Variants in PCDH9 observed in about 807,000 individuals in gnomAD.
PCDH9 encodes the protein protocadherin 9.
In PCDH9, 24 loss-of-function variants were observed where a neutral mutation model predicts 70.6. That is an observed-to-expected ratio of 0.34 (90% confidence interval 0.25 to 0.48). The LOEUF (loss-of-function observed/expected upper bound fraction) is 0.48. Among genes scored for constraint, PCDH9 ranks in the 20% least tolerant of loss-of-function variants. The pLI is 0.99. For missense variants in PCDH9, 1,281 were observed against 1,503.6 expected (o/e 0.85, Z 2.45); for synonymous variants, 562 against 558.5 (o/e 1.01, Z -0.09).
chr13:66,842,213 A>G (rs1043324574), intron 3 of PCDH9, among the ~76,000 whole-genome samples: 5 of 152,194 alleles, frequency 3.3e-5, no homozygotes, highest in Admixed American at 3.3e-4. Flanking sequence ...TTGAAATCCA[A>G]TAAATCCTCA....
intron 3 of PCDH9, among the ~76,000 whole-genome samples, chr13:66,898,772 A>C (rs187796341): frequency 2.6e-5 from 4 of 152,210 alleles, no homozygotes; most frequent in Admixed American, 1.3e-4. Flanking sequence ...TTATTATTTA[A>C]AAGTAGCAGA....
intron 4 of PCDH9, among the ~76,000 whole-genome samples, chr13:66,367,451 T>C (rs1017008912): frequency 6.6e-6 from 1 of 152,180 alleles, no homozygotes; most frequent in Non-Finnish European, 1.5e-5. Context: ...CTAACTATTG[T>C]GCTGAAATTG....
intron 4 of PCDH9, among the ~76,000 whole-genome samples, chr13:66,625,793 TG>T (rs1345250096): frequency 6.6e-6 from 1 of 151,960 alleles, no homozygotes; most frequent in Non-Finnish European, 1.5e-5. Context: ...CCTGAGTAGC[TG>T]GGATTACAGG....
intron 4 of PCDH9, among the ~76,000 whole-genome samples, chr13:66,504,113 T>C (rs1464929816): frequency 1.3e-5 from 2 of 152,224 alleles, no homozygotes; most frequent in African/African-American, 2.4e-5. Flanking sequence ...TGAGTCATTG[T>C]ACTCACTGGC....
rs143009802 is a variant in PCDH9, at chr13:67,227,571, A to T, written c.870T>A (p.Ile290=). The T allele has an allele frequency of 9.3e-6, 15 of 1,614,006 alleles. No homozygotes were observed. The highest frequency in any genetic ancestry group is 1.6e-4 in the Middle Eastern group (1 of 6,084). The change falls in exon 2 of 5, where the codon ATT becomes ATA. Residue 290 remains isoleucine, a synonymous_variant. Coordinates refer to ENST00000377865, the MANE Select transcript of PCDH9 (RefSeq NM_203487.3). The surrounding 1 kb of genome is among the most constrained non-coding windows in gnomAD (Gnocchi z 4.6). ...TTGCAGGGGCGACCTGGGCACCAAA[A>T]ATGTACCGGATTTCAGCATTACTGC... ...DIGSNAEIRY[I]FGAQVAPATK...
intron 2 of PCDH9, chr13:67,214,720 G>A (rs2089549763): frequency 6.6e-6 from 1 of 151,580 alleles, no homozygotes. Flanking sequence ...TAAATAATCT[G>A]AAACCAGATA....
At chr13:67,004,098 T>A (rs1007487501) in intron 2 of PCDH9, among the ~76,000 whole-genome samples, 3 of 152,148 alleles carry the variant, frequency 2.0e-5, no homozygotes, top group African/African-American at 7.2e-5. Flanking sequence ...AGGACTCTGA[T>A]TTATTTACTA....
chr13:66,467,780 C>A (rs560580388), intron 4 of PCDH9, among the ~76,000 whole-genome samples: 1 of 152,082 alleles, frequency 6.6e-6, no homozygotes, highest in Non-Finnish European at 1.5e-5. Context: ...CTCCAATTAT[C>A]GCATTCTTTG....
intron 3 of PCDH9, among the ~76,000 whole-genome samples, chr13:66,678,582 G>T (rs879852994): frequency 6.6e-6 from 1 of 151,932 alleles, no homozygotes; most frequent in Non-Finnish European, 1.5e-5. Flanking sequence ...CTAAATAATG[G>T]TTGATACTTA....
chr13:66,383,790 T>C lies in PCDH9; in HGVS notation c.3341-78762A>G, dbSNP rs566457257. Among the ~76,000 whole-genome samples, 4 of 152,308 alleles carry C rather than the reference T, an allele frequency of 2.6e-5. No individual in the cohort carries two copies. In the South Asian group the frequency reaches 8.3e-4, roughly 32 times the overall value. On this transcript the variant is annotated intron_variant, in intron 4 of 4. Transcript: ENST00000377865. ...GAAATAATCCAGGCACCACATTTCC[T>C]TAGCAAGCTAATCTTCTAGCAGAGA...
At chr13:66,893,178 A>T (rs974873898) in intron 3 of PCDH9, among the ~76,000 whole-genome samples, 2 of 152,200 alleles carry the variant, frequency 1.3e-5, no homozygotes, top group Non-Finnish European at 2.9e-5. Flanking sequence ...GTGAATCACC[A>T]GTTGAATGCA....
chr13:66,659,149 A>G (rs2077972132), intron 3 of PCDH9, among the ~76,000 whole-genome samples: 1 of 152,220 alleles, frequency 6.6e-6, no homozygotes, highest in African/African-American at 2.4e-5. Context: ...AATGATAATA[A>G]TAACAAAAAT....
chr13:66,648,513 C>T (rs1172575118), intron 3 of PCDH9, among the ~76,000 whole-genome samples: 3 of 152,066 alleles, frequency 2.0e-5, no homozygotes, highest in Non-Finnish European at 4.4e-5. Flanking sequence ...CTTGGGGTGC[C>T]CCCTAATGCA....
intron 3 of PCDH9, among the ~76,000 whole-genome samples, chr13:66,768,769 G>T (rs2079758744): frequency 6.6e-6 from 1 of 152,006 alleles, no homozygotes; most frequent in Non-Finnish European, 1.5e-5. Flanking sequence ...TCCTAGAGGA[G>T]ATTCAACAGG....
At chr13:67,115,025 T>C (rs906464294) in intron 2 of PCDH9, among the ~76,000 whole-genome samples, 2 of 152,202 alleles carry the variant, frequency 1.3e-5, no homozygotes, top group Non-Finnish European at 2.9e-5. Context: ...TTATTGTTTG[T>C]TTTGTTTTGT....
intron 4 of PCDH9, among the ~76,000 whole-genome samples, chr13:66,488,480 T>C (rs563799371): frequency 1.3e-5 from 2 of 152,264 alleles, no homozygotes; most frequent in Admixed American, 1.3e-4. Flanking sequence ...TAAAAAGTGA[T>C]AAATCGTGAA....
intron 2 of PCDH9, among the ~76,000 whole-genome samples, chr13:67,064,419 TACAA>T (rs986498446): frequency 9.8e-5 from 15 of 152,286 alleles, no homozygotes; most frequent in African/African-American, 3.1e-4. Flanking sequence ...ATATAAACAT[TACAA>T]ACAGAGGAAA....
At chr13:67,144,856 T>C (rs1391474110) in intron 2 of PCDH9, among the ~76,000 whole-genome samples, 1 of 152,152 alleles carries the variant, frequency 6.6e-6, no homozygotes, top group South Asian at 2.1e-4. Context: ...GGAAATGCTG[T>C]CTCTGCAGTC....
At chr13:66,495,160 T>C (rs1198740555) in intron 4 of PCDH9, among the ~76,000 whole-genome samples, 2 of 152,174 alleles carry the variant, frequency 1.3e-5, no homozygotes, top group African/African-American at 4.8e-5. Flanking sequence ...AAAATTTTCA[T>C]AATTAAAAGT....
Sources: gnomAD v4.1 joint callset for allele counts (sites outside exome capture counted in the v4.1 genomes callset) on GRCh38, gnomAD v4.1.1 for gene constraint, Gnocchi (gnomAD v3.1) non-coding constraint, MANE v1.5 for transcripts, NCBI Gene and HGNC (gene_info 2026-07-23, HGNC 2026-07-21) for gene names.